The following RPS29 variants were observed in gnomAD, a reference collection of about 807,000 sequenced individuals.
RPS29 encodes the protein ribosomal protein S29, also known as small ribosomal subunit protein uS14.
For missense variants in RPS29, 60 were observed against 75.7 expected (o/e 0.79, Z 0.77); for synonymous variants, 37 against 26.9 (o/e 1.37, Z -1.16).
intron 1 of RPS29, among the ~76,000 whole-genome samples, chr14:49,594,545 A>G (rs1881780721): frequency 6.6e-6 from 1 of 152,220 alleles, no homozygotes; most frequent in Non-Finnish European, 1.5e-5. Context: ...TCACTGATGA[A>G]AGGCAGAACT....
At chr14:49,588,971 A>C (rs892890124), upstream of RPS29, among the ~76,000 whole-genome samples, 3 of 138,392 alleles carry the variant, frequency 2.2e-5, no homozygotes, top group African/African-American at 8.2e-5. Context: ...GGCCCACTGC[A>C]AGCTCCGCCT....
chr14:49,586,150 A>G (rs931978871), intron 1 of RPS29, 101 bp from the exon 2 acceptor site: 7 of 1,395,744 alleles, frequency 5.0e-6, no homozygotes, highest in Non-Finnish European at 7.1e-6. Flanking sequence ...GCCACAGTAC[A>G]GGCCTGTAAT....
upstream of RPS29, among the ~76,000 whole-genome samples, chr14:49,589,933 C>T (rs981044113): frequency 3.3e-5 from 5 of 152,162 alleles, no homozygotes; most frequent in African/African-American, 1.2e-4. Context: ...AACAAACTAA[C>T]ACAGGAACAG....
In RPS29 at chr14:49,586,053, T is replaced by G. The variant is rs1033285190; in HGVS notation, c.63-4A>C. 1 of 1,610,478 alleles carries G rather than the reference T, an allele frequency of 6.2e-7. No homozygotes were observed. Among genetic ancestry groups the G allele is most frequent in the East Asian group, 2.2e-5 (1 of 44,768 alleles). On this transcript the variant is annotated splice_region_variant and splice_polypyrimidine_tract_variant and intron_variant, in intron 1 of 2. Transcript: ENST00000245458. ...GTGCCGGTTTGAACAGACACGACTGTAAGAAAAGAGACAGCGGTTTTGCAG... is the reference window on the plus strand; with the variant it reads ...GTGCCGGTTTGAACAGACACGACTGGAAGAAAAGAGACAGCGGTTTTGCAG...
upstream of RPS29, among the ~76,000 whole-genome samples, chr14:49,587,737 T>C (rs1881620733): frequency 6.6e-6 from 1 of 152,270 alleles, no homozygotes; most frequent in Non-Finnish European, 1.5e-5. Context: ...GAAAATATTC[T>C]GTATTAAATC....
intron 2 of RPS29, chr14:49,585,631 C>CA: frequency 2.4e-6 from 1 of 422,578 alleles, no homozygotes; most frequent in Admixed American, 4.0e-5. Flanking sequence ...ATAAATGAAA[C>CA]AAATGTAAAA....
chr14:49,582,503 CCTG>C (rs542037633), downstream of RPS29, among the ~76,000 whole-genome samples: 38 of 152,284 alleles, frequency 2.5e-4, no homozygotes, highest in Middle Eastern at 3.4e-3. Flanking sequence ...CCTCTTTTAA[CCTG>C]CTTTTTTTCA....
chr14:49,582,012 C>CAAAAA (rs58507206), downstream of RPS29, among the ~76,000 whole-genome samples: 635 of 106,264 alleles, frequency 6.0e-3, 5 homozygotes, highest in African/African-American at 0.019. Flanking sequence ...CCCTGCCCCC[C>CAAAAA]AAAAAAAAAA....
upstream of RPS29, among the ~76,000 whole-genome samples, chr14:49,589,681 G>T (rs1881671426): frequency 6.6e-6 from 1 of 152,186 alleles, no homozygotes; most frequent in African/African-American, 2.4e-5. Flanking sequence ...CCCATTACTG[G>T]ATATATACCC....
At chr14:49,581,408 A>G (rs779243166), downstream of RPS29, among the ~76,000 whole-genome samples, 2 of 152,118 alleles carry the variant, frequency 1.3e-5, no homozygotes, top group South Asian at 2.1e-4. Context: ...CTCAAAGTCA[A>G]CATGTCCAAA....
chr14:49,593,733 G>C (rs1454640281), intron 1 of RPS29, among the ~76,000 whole-genome samples: 1 of 119,080 alleles, frequency 8.4e-6, no homozygotes, highest in Non-Finnish European at 1.8e-5. Flanking sequence ...TTAAAATGCA[G>C]AGGTGAGCTC....
chr14:49,585,105 C>CA (rs1881482187), intron 2 of RPS29, among the ~76,000 whole-genome samples: 1 of 152,110 alleles, frequency 6.6e-6, no homozygotes, highest in African/African-American at 2.4e-5. Context: ...CGCGGTGGCT[C>CA]ACGCCTGTAA....
rs373801103 is a variant in RPS29, at chr14:49,585,986, A to G, written c.126T>C (p.Cys42=). ...RKYGLNMCRQ[C]FRQYAKDIGF... is the part of the protein sequence containing the mutation. The stretch of plus-strand genomic sequence containing the variant: ...CGATATCCTTCGCGTACTGACGGAA[A>G]CACTGGCGGCACATATTGAGGCCAT... Residue 42 remains cysteine, a synonymous_variant, in exon 2 of 3, where the codon TGT becomes TGC. Transcript: ENST00000245458. 24 of 1,613,896 alleles carry G rather than the reference A, an allele frequency of 1.5e-5. No homozygotes were observed. The African/African-American group carries it at 2.4e-4, about 16-fold the overall frequency.
chr14:49,585,743 G>A, intron 2 of RPS29: 1 of 570,862 alleles, frequency 1.8e-6, no homozygotes, highest in Non-Finnish European at 3.1e-6. Context: ...GAAAGACTAA[G>A]TCCTTCACCT....
At chr14:49,585,626 T>C in intron 2 of RPS29, 3 of 427,450 alleles carry the variant, frequency 7.0e-6, no homozygotes, top group Non-Finnish European at 8.3e-6. Context: ...GATTGATAAA[T>C]GAAACAAATG....
downstream of RPS29, among the ~76,000 whole-genome samples, chr14:49,579,890 G>A (rs982918039): frequency 2.6e-5 from 4 of 152,092 alleles, no homozygotes; most frequent in South Asian, 4.1e-4. Context: ...TCTTTCTTTG[G>A]GAGACCTTGG....
downstream of RPS29, among the ~76,000 whole-genome samples, chr14:49,581,982 G>C (rs1459667068): frequency 7.1e-6 from 1 of 140,698 alleles, no homozygotes; most frequent in African/African-American, 2.8e-5. Flanking sequence ...CTGCACTCCA[G>C]CTTGGGTGAT....
chr14:49,594,929 T>C (rs1881787226), intron 1 of RPS29, among the ~76,000 whole-genome samples: 1 of 152,202 alleles, frequency 6.6e-6, no homozygotes, highest in Non-Finnish European at 1.5e-5. Flanking sequence ...TGAACAGAAC[T>C]CTTGCTTCTG....
chr14:49,572,725 T>A (rs1381439670), exon 3 of RPS29: 1 of 152,296 alleles, frequency 6.6e-6, no homozygotes, highest in East Asian at 1.9e-4. Context: ...AGAAATCAGA[T>A]AATGAAGTCT....
Sources: gnomAD v4.1 joint callset for allele counts (sites outside exome capture counted in the v4.1 genomes callset) on GRCh38, gnomAD v4.1.1 for gene constraint, MANE v1.5 for transcripts, NCBI Gene and HGNC (gene_info 2026-07-23, HGNC 2026-07-21) for gene names.